The following CDH8 variants were observed in gnomAD, a reference collection of about 807,000 sequenced individuals.
The protein encoded by CDH8 is cadherin 8, also known as cadherin-8.
A neutral mutation model predicts 68.1 loss-of-function variants in CDH8; 17 were observed. The observed-to-expected ratio is 0.25, with a 90% CI of 0.17 to 0.37. CDH8 has a LOEUF of 0.37. CDH8 is among the 10% of genes least tolerant of loss of function. The pLI, the probability that CDH8 is intolerant of heterozygous loss-of-function variation, is 1.00. For missense variants in CDH8, 763 were observed against 999.3 expected (o/e 0.76, Z 3.19); for synonymous variants, 372 against 365.1 (o/e 1.02, Z -0.21).
intron 10 of CDH8, among the ~76,000 whole-genome samples, chr16:61,704,122 T>A (rs984231519): frequency 1.3e-5 from 2 of 152,224 alleles, no homozygotes; most frequent in African/African-American, 2.4e-5. Flanking sequence ...CTATTTCTCC[T>A]TTAAGTAAAC....
At chr16:61,740,359 T>C (rs1458282359) in intron 8 of CDH8, among the ~76,000 whole-genome samples, 3 of 152,200 alleles carry the variant, frequency 2.0e-5, no homozygotes, top group Non-Finnish European at 4.4e-5. Context: ...TTTTTGAATA[T>C]ATGATGGTGA....
At chr16:61,971,431 T>C (rs760705264) in intron 2 of CDH8, among the ~76,000 whole-genome samples, 1 of 152,162 alleles carries the variant, frequency 6.6e-6, no homozygotes. Context: ...TTTTCTGGTT[T>C]AATAGAATAT....
chr16:61,772,479 T>C (rs1264648138), intron 8 of CDH8, among the ~76,000 whole-genome samples: 1 of 152,044 alleles, frequency 6.6e-6, no homozygotes, highest in Non-Finnish European at 1.5e-5. Flanking sequence ...CATTAACACA[T>C]GCAGTTATTG....
intron 2 of CDH8, among the ~76,000 whole-genome samples, chr16:61,992,634 G>A (rs781030213): frequency 8.5e-5 from 9 of 105,412 alleles, no homozygotes; most frequent in Non-Finnish European, 1.5e-4. Flanking sequence ...AAAATTCAAC[G>A]AAGTCAAGAA....
intron 2 of CDH8, among the ~76,000 whole-genome samples, chr16:61,949,301 C>G (rs1185332094): frequency 6.6e-6 from 1 of 152,062 alleles, no homozygotes; most frequent in East Asian, 1.9e-4. Context: ...ATGCACCAAT[C>G]AGCACTCTGT....
At chr16:61,941,682 T>C (rs1481779375) in intron 2 of CDH8, among the ~76,000 whole-genome samples, 2 of 152,220 alleles carry the variant, frequency 1.3e-5, no homozygotes, top group Non-Finnish European at 2.9e-5. Flanking sequence ...CCTCAGGTGA[T>C]CCACCCCCCT....
chr16:61,992,755 C>G (rs1965747450), intron 2 of CDH8, among the ~76,000 whole-genome samples: 1 of 152,138 alleles, frequency 6.6e-6, no homozygotes, highest in Non-Finnish European at 1.5e-5. Context: ...AGATAGCTTA[C>G]CTCCTGGTGT....
At chr16:61,841,402 T>C (rs1489491033) in intron 4 of CDH8, among the ~76,000 whole-genome samples, 1 of 152,194 alleles carries the variant, frequency 6.6e-6, no homozygotes, top group Admixed American at 6.5e-5. Context: ...GAGATCATTA[T>C]GTCAAGTGAA....
chr16:61,924,248 A>G (rs540210551), intron 2 of CDH8, among the ~76,000 whole-genome samples: 3 of 152,310 alleles, frequency 2.0e-5, no homozygotes, highest in Non-Finnish European at 4.4e-5. Context: ...TTAGGTTCCA[A>G]ACATTTTTTG....
chr16:62,023,117 G>T (rs1049782776), intron 1 of CDH8, among the ~76,000 whole-genome samples: 1 of 152,170 alleles, frequency 6.6e-6, no homozygotes, highest in African/African-American at 2.4e-5. Flanking sequence ...TCATCCCAGT[G>T]TGTGAGCAGA....
intron 8 of CDH8, among the ~76,000 whole-genome samples, chr16:61,735,552 T>C (rs1023363403): frequency 5.9e-5 from 9 of 152,112 alleles, no homozygotes; most frequent in Non-Finnish European, 1.0e-4. Flanking sequence ...TATATATATA[T>C]ATGTCCAGTT....
At chr16:61,959,556 G>A (rs1007379859) in intron 2 of CDH8, among the ~76,000 whole-genome samples, 7 of 134,790 alleles carry the variant, frequency 5.2e-5, no homozygotes, top group Non-Finnish European at 1.2e-4. Context: ...GTGTGTGTGT[G>A]TGTATATATA....
At chr16:61,934,418 C>G (rs1001521184) in intron 2 of CDH8, among the ~76,000 whole-genome samples, 1 of 152,022 alleles carries the variant, frequency 6.6e-6, no homozygotes, top group Non-Finnish European at 1.5e-5. Context: ...AAATGGAAAG[C>G]TTATGTAAAG....
At chr16:61,926,943 A>G (rs527382775) in intron 2 of CDH8, among the ~76,000 whole-genome samples, 328 of 152,320 alleles carry the variant, frequency 2.2e-3, no homozygotes, top group Non-Finnish European at 3.8e-3. Context: ...GATAAAGAGT[A>G]AAAAACAACA....
chr16:61,959,585 GAT>G (rs1491583949), intron 2 of CDH8, among the ~76,000 whole-genome samples: 1 of 149,176 alleles, frequency 6.7e-6, no homozygotes, highest in African/African-American at 2.5e-5. Context: ...TATATAGAGA[GAT>G]GTGTGTGTGT....
At chr16:61,840,619 A>C (rs1962664164) in intron 4 of CDH8, among the ~76,000 whole-genome samples, 1 of 152,168 alleles carries the variant, frequency 6.6e-6, no homozygotes, top group African/African-American at 2.4e-5. Flanking sequence ...TGTCTTTTAC[A>C]GGGACATGGA....
At chr16:61,921,400 T>A (rs1269508135) in intron 2 of CDH8, among the ~76,000 whole-genome samples, 3 of 152,110 alleles carry the variant, frequency 2.0e-5, no homozygotes, top group Non-Finnish European at 4.4e-5. Flanking sequence ...GACTTCTGTA[T>A]TTAGCAGATA....
At chr16:61,704,059 A>G (rs1180133501) in intron 10 of CDH8, among the ~76,000 whole-genome samples, 1 of 152,176 alleles carries the variant, frequency 6.6e-6, no homozygotes, top group East Asian at 1.9e-4. Flanking sequence ...CTATGTATTT[A>G]CAGAAAATAC....
intron 3 of CDH8, among the ~76,000 whole-genome samples, chr16:61,898,306 A>G (rs1444263562): frequency 6.6e-6 from 1 of 152,142 alleles, no homozygotes; most frequent in Non-Finnish European, 1.5e-5. Flanking sequence ...TCTCAAAAAA[A>G]AAAGAAGTAG....
Sources: gnomAD v4.1 joint callset for allele counts (sites outside exome capture counted in the v4.1 genomes callset) on GRCh38, gnomAD v4.1.1 for gene constraint, MANE v1.5 for transcripts, NCBI Gene and HGNC (gene_info 2026-07-23, HGNC 2026-07-21) for gene names.